WDR33: variants seen among roughly 807,000 people sequenced by gnomAD.
WDR33 encodes the protein pre-mRNA 3' end processing protein WDR33.
In WDR33, 47 loss-of-function variants were observed where a neutral mutation model predicts 164.9. The observed-to-expected ratio is 0.29, with a 90% CI of 0.23 to 0.36. The LOEUF is 0.36. Among genes scored for constraint, WDR33 ranks in the 10% least tolerant of loss-of-function variants. The probability of loss-of-function intolerance (pLI) is 1.00; values close to 1 mark genes in which losing one functional copy is unlikely to be tolerated. For synonymous variants in WDR33, 505 were observed against 589.0 expected, an observed-to-expected ratio of 0.86 and a Z score of 2.06; for missense variants, 1,137 against 1,754.1, an observed-to-expected ratio of 0.65 and a Z score of 6.28.
chr2:127,717,383 A>G lies in WDR33; in HGVS notation c.2761-120T>C. On this transcript the variant is annotated intron_variant, in intron 16 of 21. Coordinates refer to ENST00000322313, the MANE Select transcript of WDR33 (RefSeq NM_018383.5). This position sits in a 1 kb window ranked among gnomAD's most constrained non-coding sequence, Gnocchi z 5.6. Reference sequence around the variant, plus strand: ...GTAAATATTTACCTAGTAAGATTACAGTAACATTGTCCTTAAATCAGGAGA... The same window carrying G: ...GTAAATATTTACCTAGTAAGATTACGGTAACATTGTCCTTAAATCAGGAGA... The G allele has an allele frequency of 1.3e-6, 1 of 781,012 alleles. No individual in the cohort carries two copies. Among genetic ancestry groups the G allele is most frequent in the Non-Finnish European group, 1.9e-6 (1 of 527,790 alleles). 48.4% of individuals were successfully genotyped at this position (781,012 alleles called of 1,614,324 possible).
chr2:127,719,525 G>C lies in WDR33; in HGVS notation c.2500C>G (p.Arg834Gly). The C allele has an allele frequency of 6.2e-7, 1 of 1,613,182 alleles. No homozygotes were observed. The highest frequency in any genetic ancestry group is 1.1e-5 in the South Asian group (1 of 91,016). ...PQEMRGPQEI[R>G]GMQGPPPQGS... ...TGGGGTGGAGGCCCCTGCATGCCTC[G>C]GATCTCCTGAGGACCTCTCATTTCC... Residue 834 changes from arginine to glycine, a missense_variant, in exon 16 of 22, where the codon CGA (arginine) becomes GGA (glycine). By Grantham distance (125) the Arg-to-Gly change is moderately radical. Coordinates refer to ENST00000322313, the MANE Select transcript of WDR33 (RefSeq NM_018383.5). The surrounding 1 kb of genome is among the most constrained non-coding windows in gnomAD (Gnocchi z 6.5).
At position 127,763,948 on chromosome 2, in the gene WDR33, A is replaced by G. The variant is rs1019284203; in HGVS notation, c.627-789T>C. On this transcript the variant is annotated intron_variant, in intron 6 of 21. Coordinates refer to ENST00000322313, the MANE Select transcript of WDR33 (RefSeq NM_018383.5). The surrounding 1 kb of genome is among the most constrained non-coding windows in gnomAD (Gnocchi z 4.5). ...TACAAAGCAGAAGCATGTTCATCCA[A>G]CAATTTCTGTTAAGATTCTGAAAGT... The G allele has an allele frequency of 2.0e-6, 2 of 985,714 alleles. No individual in the cohort carries two copies. Among genetic ancestry groups the G allele is most frequent in the African/African-American group, 3.5e-5 (2 of 57,250 alleles). 61.1% of individuals were successfully genotyped at this position (985,714 alleles called of 1,614,324 possible). A position where few individuals can be genotyped will look rare whatever the true frequency, so the allele number is the denominator to read the frequency against.
Position 127,735,964 on chromosome 2 carries a change from C to A in WDR33, c.725-9187G>T, listed in dbSNP as rs1686828577. The A allele has an allele frequency of 1.0e-6, 1 of 985,266 alleles. No individual in the cohort carries two copies. Among genetic ancestry groups the A allele is most frequent in the African/African-American group, 1.7e-5 (1 of 57,204 alleles). 61.0% of individuals were successfully genotyped at this position (985,266 alleles called of 1,614,324 possible). ...AAGTTAATTCTGGAAAGGGGGTATG[C>A]CTAGGCAGGGCAGTGTTTTCACAAT... On this transcript the variant is annotated intron_variant, in intron 7 of 21. Coordinates refer to ENST00000322313, the MANE Select transcript of WDR33 (RefSeq NM_018383.5). The surrounding 1 kb of genome is among the most constrained non-coding windows in gnomAD (Gnocchi z 4.3).
rs10173743 is a variant in WDR33, at chr2:127,760,457, C to T, written c.724+2605G>A. Among the ~76,000 whole-genome samples, 1,069 of 152,326 alleles carry T rather than the reference C, an allele frequency of 7.0e-3. 10 individuals carry two copies. Among genetic ancestry groups the T allele is most frequent in the African/African-American group, 0.024 (1,017 of 41,568 alleles). ...GTTTGACTTTGTGATCCAGTTTTCT[C>T]TGAGTAGAGCTAAGTAAGTTCACTT... On this transcript the variant is annotated intron_variant, in intron 7 of 21. Transcript: ENST00000322313.
chr2:127,703,605 A>C lies in WDR33; in HGVS notation c.*2718T>G, dbSNP rs764055191. ...AAAGAACACTGCCTTGTTCCCCATC[A>C]GTAAACAAGGTTACCTACCTCAGGA... On this transcript the variant is annotated 3_prime_UTR_variant, in exon 22 of 22. Transcript: ENST00000322313. 1 of 167,106 alleles carries C rather than the reference A, an allele frequency of 6.0e-6. No individual in the cohort carries two copies. The highest frequency in any genetic ancestry group is 1.5e-5 in the Non-Finnish European group (1 of 68,120). 10.4% of individuals were successfully genotyped at this position (167,106 alleles called of 1,614,324 possible).
intron 7 of WDR33, among the ~76,000 whole-genome samples, chr2:127,752,021 G>C (rs1031800508): frequency 6.6e-6 from 1 of 152,178 alleles, no homozygotes; most frequent in Non-Finnish European, 1.5e-5. Flanking sequence ...GTAACAAGGA[G>C]AGTCCAAACA....
rs908879296 is a variant in WDR33, at chr2:127,716,254, A to G, written c.2869+901T>C. 6.6e-6 allele frequency among the ~76,000 whole-genome samples: 1 copy of G among 152,204 alleles called. No homozygotes were observed. The highest frequency in any genetic ancestry group is 2.4e-5 in the African/African-American group (1 of 41,448). On this transcript the variant is annotated intron_variant, in intron 17 of 21. Transcript: ENST00000322313. This position sits in a 1 kb window ranked among gnomAD's most constrained non-coding sequence, Gnocchi z 4.5. ...AAAGTCCTAGGGCTGTAATGCTGAC[A>G]AGGACTTTTCTTAATTGGATAAAAC...
At chr2:127,785,990 G>A (rs1688551506) in intron 1 of WDR33, among the ~76,000 whole-genome samples, 1 of 152,160 alleles carries the variant, frequency 6.6e-6, no homozygotes, top group Non-Finnish European at 1.5e-5. Flanking sequence ...TGTGGCAGCT[G>A]TTTTGAATTT....
intron 1 of WDR33, among the ~76,000 whole-genome samples, chr2:127,797,878 T>C (rs1689093822): frequency 6.6e-6 from 1 of 151,730 alleles, no homozygotes; most frequent in Admixed American, 6.6e-5. Context: ...CCGGGCATGG[T>C]GGTACACAAC....
rs775964108 is a variant in WDR33 at position 127,764,735 on chromosome 2, C to G, written c.626+93G>C. ...GTGCAGAAAGTTTCCCAGAAACTGA[C>G]AGAGCCCATGCATCTCTGCACCCAG... is the stretch of plus-strand genomic sequence containing the variant. On this transcript the variant is annotated intron_variant, in intron 6 of 21. Transcript: ENST00000322313. This position sits in a 1 kb window ranked among gnomAD's most constrained non-coding sequence, Gnocchi z 6.2. 1.5e-5 allele frequency: 24 copies of G among 1,614,116 alleles called. No individual in the cohort carries two copies. Among genetic ancestry groups the G allele is most frequent in the Non-Finnish European group, 2.0e-5 (24 of 1,180,004 alleles).
At chr2:127,742,904 TCATTCAGAAAA>T in intron 7 of WDR33, among the ~76,000 whole-genome samples, 1 of 140,366 alleles carries the variant, frequency 7.1e-6, no homozygotes, top group African/African-American at 2.6e-5. Context: ...AGAAAAGAGA[TCATTCAGAAAA>T]CATTCAGAGA....
rs201697379 is a variant in WDR33 at position 127,713,645 on chromosome 2, G to A, written c.3246C>T (p.Pro1082=). The change falls in exon 18 of 22, where the codon CCC becomes CCT. Residue 1082 remains proline, a synonymous_variant. Coordinates refer to ENST00000322313, the MANE Select transcript of WDR33 (RefSeq NM_018383.5). This position sits in a 1 kb window ranked among gnomAD's most constrained non-coding sequence, Gnocchi z 6.2. ...GATCCCGGGGGAAACGTTCATCTCC[G>A]GGCCTGCGGCCTTCCCATGCCCCCG... ...GPPGAWEGRR[P]GDERFPRDPE... 63 of 1,614,114 alleles carry A rather than the reference G, an allele frequency of 3.9e-5. No homozygotes were observed. In the Middle Eastern group the frequency reaches 1.3e-3, roughly 34 times the overall value.
Position 127,726,875 on chromosome 2 carries a change from T to G in WDR33, c.725-98A>C. 2 of 1,491,062 alleles carry G rather than the reference T, an allele frequency of 1.3e-6. No individual in the cohort carries two copies. Among genetic ancestry groups the G allele is most frequent in the Non-Finnish European group, 1.8e-6 (2 of 1,103,146 alleles). The allele number at this position is 1,491,062 out of a possible 1,614,324, so 92.4% of individuals were successfully genotyped here. A position where few individuals can be genotyped will look rare whatever the true frequency, so the allele number is the denominator to read the frequency against. ...AACCTAGTAAATGTTTTGCTCTCAG[T>G]GCTCAGTCAACTTAAAACTTGTTTT... On this transcript the variant is annotated intron_variant, in intron 7 of 21. Coordinates refer to ENST00000322313, the MANE Select transcript of WDR33 (RefSeq NM_018383.5). This position sits in a 1 kb window ranked among gnomAD's most constrained non-coding sequence, Gnocchi z 4.8.
intron 1 of WDR33, among the ~76,000 whole-genome samples, chr2:127,786,273 G>A (rs1008693639): frequency 2.0e-5 from 3 of 152,164 alleles, no homozygotes; most frequent in African/African-American, 4.8e-5. Context: ...AGGCTCAAGC[G>A]ATCCTCCTGC....
At chr2:127,736,280 G>A (rs1686838925) in intron 7 of WDR33, 1 of 985,376 alleles carries the variant, frequency 1.0e-6, no homozygotes, top group Non-Finnish European at 1.2e-6. Context: ...GACACTTCCG[G>A]GGGAGGAAGA....
rs543737445 is a variant in WDR33 at position 127,748,273 on chromosome 2, G to A, written c.724+14789C>T. ...ACTAGGACACCCCATGGTTCCCTGC[G>A]GTCTGTGTTCTTTGCTGCAATGAGC... On this transcript the variant is annotated intron_variant, in intron 7 of 21. Coordinates refer to ENST00000322313, the MANE Select transcript of WDR33 (RefSeq NM_018383.5). Among the ~76,000 whole-genome samples, 281 of 152,236 alleles carry A rather than the reference G, an allele frequency of 1.8e-3. 3 individuals are homozygous for A. The highest frequency in any genetic ancestry group is 6.5e-3 in the African/African-American group (272 of 41,534).
Position 127,720,324 on chromosome 2 carries a change from T to C in WDR33, c.1701A>G (p.Lys567=), listed in dbSNP as rs1378108283. 6.6e-7 allele frequency: 1 copy of C among 1,511,402 alleles called. No individual in the cohort carries two copies. Among genetic ancestry groups the C allele is most frequent in the Non-Finnish European group, 8.8e-7 (1 of 1,131,066 alleles). The allele number at this position is 1,511,402 out of a possible 1,614,324, so 93.6% of individuals were successfully genotyped here. A position where few individuals can be genotyped will look rare whatever the true frequency, so the allele number is the denominator to read the frequency against. The part of the protein sequence containing the change: ...EQLKIERLAQ[K]QVEQIQPPPS... ...GAGGAGGCTGAATTTGCTCAACTTG[T>C]TTCTGTGCAAGTCTTTCAATTTTAA... Residue 567 remains lysine, a synonymous_variant, in exon 16 of 22, where the codon AAA becomes AAG. Coordinates refer to ENST00000322313, the MANE Select transcript of WDR33 (RefSeq NM_018383.5). This position sits in a 1 kb window ranked among gnomAD's most constrained non-coding sequence, Gnocchi z 5.9.
At chr2:127,729,782 A>G (rs1686659383) in intron 7 of WDR33, among the ~76,000 whole-genome samples, 1 of 152,246 alleles carries the variant, frequency 6.6e-6, no homozygotes, top group Non-Finnish European at 1.5e-5. Context: ...GGCGTGAGCC[A>G]CTGCACCCGG....
At chr2:127,711,934 G>A (rs1217784403) in intron 18 of WDR33, among the ~76,000 whole-genome samples, 4 of 150,202 alleles carry the variant, frequency 2.7e-5, no homozygotes, top group African/African-American at 7.4e-5. Flanking sequence ...CACCATGCCC[G>A]GCTAATTTTT....
Sources: allele counts gnomAD v4.1 joint callset (sites outside exome capture counted in the v4.1 genomes callset), GRCh38; gene constraint gnomAD v4.1.1; non-coding constraint Gnocchi (gnomAD v3.1); transcripts MANE v1.5; gene names NCBI Gene and HGNC (gene_info 2026-07-23, HGNC 2026-07-21).